RGS12: variants seen among roughly 807,000 people sequenced by gnomAD.
The protein encoded by RGS12 is regulator of G-protein signaling 12.
A neutral mutation model predicts 120.1 loss-of-function variants in RGS12; 66 were observed. The observed-to-expected ratio is 0.55, with a 90% CI of 0.45 to 0.67. The LOEUF (loss-of-function observed/expected upper bound fraction) is 0.67. Ranked by LOEUF, RGS12 falls within the 30% of genes least tolerant of loss-of-function variation. The pLI, the probability that RGS12 is intolerant of heterozygous loss-of-function variation, is 0.00. For missense variants in RGS12, 1,859 were observed against 1,957.7 expected (o/e 0.95, Z 0.95); for synonymous variants, 827 against 804.7 (o/e 1.03, Z -0.47).
chr4:3,373,311 G>A lies in RGS12; in HGVS notation c.1999-13105G>A, dbSNP rs190056264. 6.0e-4 allele frequency among the ~76,000 whole-genome samples: 91 copies of A among 152,342 alleles called. No individual in the cohort carries two copies. The East Asian group carries it at 0.017, about 28-fold the overall frequency. On this transcript the variant is annotated intron_variant, in intron 3 of 17. Coordinates refer to ENST00000336727, the MANE Select transcript of RGS12 (RefSeq NM_001394154.1). ...CAGGGTCCCCCGACAGAGAGTCCCAGCCCCTGCGGGACCAGGTTGTGTTAG... is the reference window on the plus strand; with the variant it reads ...CAGGGTCCCCCGACAGAGAGTCCCAACCCCTGCGGGACCAGGTTGTGTTAG...
At chr4:3,292,890 G>C (rs1333189560), upstream of RGS12, 3 of 149,650 alleles carry the variant, frequency 2.0e-5, no homozygotes, top group African/African-American at 7.4e-5. Context: ...CCCGCCCCGT[G>C]CCCCGCCCCC....
rs564611222 is a variant in RGS12 at position 3,383,835 on chromosome 4, A to G, written c.1999-2581A>G. Among the ~76,000 whole-genome samples the G allele has an allele frequency of 6.8e-4, 104 of 152,278 alleles. 1 individual carries two copies. Among genetic ancestry groups the G allele is most frequent in the African/African-American group, 2.2e-3 (90 of 41,568 alleles). On this transcript the variant is annotated intron_variant, in intron 3 of 17. Transcript: ENST00000336727. The stretch of plus-strand genomic sequence containing the variant: ...CATATTCTTTGGCCTCTCAGTGGGC[A>G]TCACACACTCCCTGGCCACCTTCTC...
At chr4:3,396,053 A>G (rs1159807254) in intron 4 of RGS12, among the ~76,000 whole-genome samples, 2 of 152,012 alleles carry the variant, frequency 1.3e-5, no homozygotes, top group Non-Finnish European at 2.9e-5. Context: ...TATTGTTTTT[A>G]TTTGTATTTT....
chr4:3,374,373 T>A lies in RGS12; in HGVS notation c.1999-12043T>A, dbSNP rs2075230917. 6.6e-6 allele frequency among the ~76,000 whole-genome samples: 1 copy of A among 151,946 alleles called. No homozygotes were observed. The highest frequency in any genetic ancestry group is 2.4e-5 in the African/African-American group (1 of 41,364). ...GAGGCCTAGGCTGGGCGGGGACCGGTCTCCTTCCGCCACCACCTTCCACGA... is the reference window on the plus strand; with the variant it reads ...GAGGCCTAGGCTGGGCGGGGACCGGACTCCTTCCGCCACCACCTTCCACGA... On this transcript the variant is annotated intron_variant, in intron 3 of 17. Transcript: ENST00000336727. This position sits in a 1 kb window ranked among gnomAD's most constrained non-coding sequence, Gnocchi z 6.3.
intron 1 of RGS12, among the ~76,000 whole-genome samples, chr4:3,307,314 C>A (rs1318081666): frequency 6.6e-6 from 1 of 152,202 alleles, no homozygotes; most frequent in Non-Finnish European, 1.5e-5. Context: ...GGCCACGCTG[C>A]GGCAGCGTGT....
intron 2 of RGS12, among the ~76,000 whole-genome samples, chr4:3,337,025 A>T (rs981256287): frequency 6.6e-6 from 1 of 152,248 alleles, no homozygotes; most frequent in Non-Finnish European, 1.5e-5. Context: ...AAGAAAAATT[A>T]AAAAATGAGC....
intron 2 of RGS12, among the ~76,000 whole-genome samples, chr4:3,327,272 C>T (rs1232831428): frequency 6.6e-6 from 1 of 152,176 alleles, no homozygotes; most frequent in Non-Finnish European, 1.5e-5. Context: ...ACTGCTATCT[C>T]TCACCATACA....
At chr4:3,318,384 C>G (rs530590465) in intron 2 of RGS12, among the ~76,000 whole-genome samples, 13 of 152,324 alleles carry the variant, frequency 8.5e-5, no homozygotes, top group African/African-American at 3.1e-4. Context: ...TCCTGCTCCT[C>G]CCTAGCTCTG....
At chr4:3,367,161 G>T (rs933187045) in intron 3 of RGS12, among the ~76,000 whole-genome samples, 1 of 152,242 alleles carries the variant, frequency 6.6e-6, no homozygotes, top group Admixed American at 6.5e-5. Context: ...TGTCCAGCTG[G>T]GCGGTGATAT....
intron 14 of RGS12, chr4:3,426,552 G>A (rs1225525265): frequency 3.3e-5 from 5 of 152,312 alleles, no homozygotes; most frequent in Non-Finnish European, 7.3e-5. Context: ...CTTGCGTGCA[G>A]GGAATCGGGC....
chr4:3,364,999 C>T (rs911114133), intron 3 of RGS12, among the ~76,000 whole-genome samples: 1 of 152,202 alleles, frequency 6.6e-6, no homozygotes, highest in East Asian at 1.9e-4. Context: ...ATGGAGCCTC[C>T]TGCACCCAGG....
intron 10 of RGS12, among the ~76,000 whole-genome samples, chr4:3,421,339 G>C (rs1722998017): frequency 6.6e-6 from 1 of 152,342 alleles, no homozygotes; most frequent in East Asian, 1.9e-4. Flanking sequence ...TTTTCAGGCA[G>C]GAATGAATGT....
chr4:3,435,096 C>G (rs1724681535), intron 17 of RGS12, among the ~76,000 whole-genome samples: 2 of 152,152 alleles, frequency 1.3e-5, no homozygotes, highest in African/African-American at 4.8e-5. Context: ...GTCACTCAAC[C>G]TGGAGGCCCC....
At chr4:3,298,858 G>A (rs1053843481) in intron 1 of RGS12, among the ~76,000 whole-genome samples, 3 of 152,152 alleles carry the variant, frequency 2.0e-5, no homozygotes, top group Non-Finnish European at 4.4e-5. Context: ...TCTCTGCTCT[G>A]TCATTTGTTT....
chr4:3,423,462 C>T lies in RGS12; in HGVS notation c.3108-53C>T. On this transcript the variant is annotated intron_variant, in intron 12 of 17. Transcript: ENST00000336727. Reference sequence around the variant, plus strand: ...CTGTAGTTCTGCTCGTGAGACTGATCTCCTAATGAGGGCTGACATGAGTTG... The same window carrying T: ...CTGTAGTTCTGCTCGTGAGACTGATTTCCTAATGAGGGCTGACATGAGTTG... 1.9e-6 allele frequency: 3 copies of T among 1,604,174 alleles called. No homozygotes were observed. In the South Asian group the frequency reaches 3.3e-5, roughly 18 times the overall value.
chr4:3,416,143 T>C, intron 7 of RGS12, 22 bp downstream of exon 7: 1 of 1,613,074 alleles, frequency 6.2e-7, no homozygotes, highest in South Asian at 1.1e-5. Flanking sequence ...CTGTGGGAGC[T>C]TGTGGGGAGT....
chr4:3,301,939 C>G (rs1231099054), intron 1 of RGS12, among the ~76,000 whole-genome samples: 1 of 151,922 alleles, frequency 6.6e-6, no homozygotes, highest in Non-Finnish European at 1.5e-5. Flanking sequence ...GGGGCGCACT[C>G]ATACTAGGAA....
chr4:3,401,351 T>G (rs964919735), intron 4 of RGS12, among the ~76,000 whole-genome samples: 1 of 152,250 alleles, frequency 6.6e-6, no homozygotes, highest in Non-Finnish European at 1.5e-5. Context: ...TTTATATCCC[T>G]TTCAGCCTGT....
At chr4:3,409,737 T>C (rs1324715910) in intron 4 of RGS12, among the ~76,000 whole-genome samples, 2 of 152,188 alleles carry the variant, frequency 1.3e-5, no homozygotes, top group African/African-American at 4.8e-5. Flanking sequence ...CACCTTTTGT[T>C]TGAGGAGCAA....
Sources: gnomAD v4.1 joint callset for allele counts (sites outside exome capture counted in the v4.1 genomes callset) on GRCh38, gnomAD v4.1.1 for gene constraint, Gnocchi (gnomAD v3.1) non-coding constraint, MANE v1.5 for transcripts, NCBI Gene and HGNC (gene_info 2026-07-23, HGNC 2026-07-21) for gene names.